ADAM32: variants seen among roughly 807,000 people sequenced by gnomAD.
The protein encoded by ADAM32 is disintegrin and metalloproteinase domain-containing protein 32.
In ADAM32, 89 loss-of-function variants were observed where a neutral mutation model predicts 114.9. The observed-to-expected ratio is 0.77, with a 90% confidence interval of 0.65 to 0.92. ADAM32 has a LOEUF of 0.92. ADAM32 is among the 40% of genes least tolerant of loss of function. The pLI, the probability that ADAM32 is intolerant of heterozygous loss-of-function variation, is 0.00. For synonymous variants in ADAM32, 285 were observed against 307.5 expected, an observed-to-expected ratio of 0.93 and a Z score of 0.77; for missense variants, 870 against 932.8, an observed-to-expected ratio of 0.93 and a Z score of 0.88.
intron 11 of ADAM32, among the ~76,000 whole-genome samples, chr8:39,204,789 C>T (rs556717877): frequency 1.3e-5 from 2 of 152,154 alleles, no homozygotes; most frequent in Non-Finnish European, 2.9e-5. Flanking sequence ...ATAATGGTGA[C>T]GTACAGATGG....
chr8:39,131,954 C>T, intron 2 of ADAM32: 1 of 281,158 alleles, frequency 3.6e-6, no homozygotes, highest in South Asian at 2.8e-5. Flanking sequence ...AGTGTAGTGG[C>T]ACGATCTCGG....
intron 11 of ADAM32, among the ~76,000 whole-genome samples, chr8:39,205,262 C>G (rs1290869650): frequency 6.6e-6 from 1 of 152,198 alleles, no homozygotes; most frequent in Admixed American, 6.5e-5. Flanking sequence ...CCTTGAGCTG[C>G]GGTGGGCTCC....
intron 19 of ADAM32, among the ~76,000 whole-genome samples, chr8:39,262,923 G>A (rs1486966417): frequency 6.6e-6 from 1 of 151,954 alleles, no homozygotes; most frequent in African/African-American, 2.4e-5. Context: ...GGCCAGGCTG[G>A]TCTCAAACTC....
chr8:39,107,941 C>T lies in ADAM32; in HGVS notation c.58+108C>T, dbSNP rs193225824. The T allele has an allele frequency of 4.3e-3, 5,927 of 1,370,770 alleles. 16 individuals carry two copies. Among genetic ancestry groups the T allele is most frequent in the African/African-American group, 7.6e-3 (509 of 67,030 alleles). The allele number at this position is 1,370,770 out of a possible 1,614,324, so 84.9% of individuals were successfully genotyped here. ...GTCTGGGTCCCTTTGGTCCTGTCAC[C>T]CTGGCAACGGGGCCTTTTCCAGGGG... On this transcript the variant is annotated intron_variant, in intron 1 of 24. Coordinates refer to ENST00000379907, the MANE Select transcript of ADAM32 (RefSeq NM_145004.7).
chr8:39,279,529 G>A (rs1029457319), intron 22 of ADAM32, among the ~76,000 whole-genome samples: 12 of 152,214 alleles, frequency 7.9e-5, no homozygotes, highest in South Asian at 2.1e-4. Context: ...TGATCCACTC[G>A]CCTCGGCCTC....
chr8:39,179,901 G>A (rs1429005658), intron 10 of ADAM32, among the ~76,000 whole-genome samples: 3 of 152,176 alleles, frequency 2.0e-5, no homozygotes, highest in African/African-American at 7.2e-5. Context: ...GGTCCTACCC[G>A]CTTCAATGAA....
chr8:39,125,836 G>C (rs985672731), intron 2 of ADAM32, among the ~76,000 whole-genome samples: 4 of 152,112 alleles, frequency 2.6e-5, no homozygotes, highest in Admixed American at 2.0e-4. Context: ...ATTACTTTTT[G>C]TATAGGGTAT....
In ADAM32 at chr8:39,233,961, A is replaced by G. The variant is rs768609584; in HGVS notation, c.1697A>G (p.Asn566Ser). 5 of 1,592,968 alleles carry G rather than the reference A, an allele frequency of 3.1e-6. No homozygotes were observed. In the South Asian group the frequency reaches 5.8e-5, roughly 18 times the overall value. The change falls in exon 16 of 25, where the codon AAT becomes AGT. Residue 566 changes from asparagine to serine, a missense_variant. Transcript: ENST00000379907. The part of the protein sequence containing the change: ...YPTRKPFHQE[N>S]GDVIYAFVRD... ...ACTCGAAAGCCTTTCCATCAAGAAA[A>G]TGGTGATGTGATTTATGCTTTCGTA...
chr8:39,241,817 A>T (rs1810576282), intron 16 of ADAM32, among the ~76,000 whole-genome samples: 1 of 152,228 alleles, frequency 6.6e-6, no homozygotes, highest in Non-Finnish European at 1.5e-5. Flanking sequence ...TGTCTTGGTG[A>T]TTAACATTTG....
intron 11 of ADAM32, among the ~76,000 whole-genome samples, chr8:39,199,503 T>A (rs1233228750): frequency 2.0e-5 from 3 of 152,234 alleles, no homozygotes; most frequent in Non-Finnish European, 4.4e-5. Context: ...TTTGTATTTT[T>A]AATTTTATTT....
chr8:39,281,250 T>C (rs997059490), intron 23 of ADAM32, 76 bp downstream of exon 23: 1 of 889,080 alleles, frequency 1.1e-6, no homozygotes, highest in Non-Finnish European at 1.6e-6. Context: ...AATTCACAAA[T>C]AATTGCTCAA....
intron 7 of ADAM32, 48 bp from the exon 8 acceptor site, chr8:39,164,716 A>G (rs1804718058): frequency 7.2e-7 from 1 of 1,388,406 alleles, no homozygotes; most frequent in Admixed American, 2.0e-5. Flanking sequence ...TCTTAAAAAT[A>G]CTACATAATA....
intron 18 of ADAM32, among the ~76,000 whole-genome samples, chr8:39,255,193 G>A (rs938313870): frequency 3.9e-5 from 6 of 151,914 alleles, no homozygotes; most frequent in South Asian, 2.1e-4. Flanking sequence ...TTGTGTTAGC[G>A]TCTTTTTATG....
At position 39,174,580 on chromosome 8, in the gene ADAM32, A is replaced by T. The variant is rs1003044827; in HGVS notation, c.915+4583A>T. Among the ~76,000 whole-genome samples, 8 of 151,920 alleles carry T rather than the reference A, an allele frequency of 5.3e-5. No individual in the cohort carries two copies. The East Asian group carries it at 1.3e-3, about 26-fold the overall frequency. On this transcript the variant is annotated intron_variant, in intron 10 of 24. Transcript: ENST00000379907. ...ATGTGCAGGTTAGTTACATATGTAT[A>T]CATGTGCCTTGCTGGTGCGCTGCAC...
intron 22 of ADAM32, among the ~76,000 whole-genome samples, chr8:39,277,688 C>T (rs764168311): frequency 3.3e-5 from 5 of 152,228 alleles, no homozygotes; most frequent in Non-Finnish European, 5.9e-5. Context: ...GGACCCACTG[C>T]GCTCCACCAC....
chr8:39,257,787 T>G (rs542714501), intron 19 of ADAM32, among the ~76,000 whole-genome samples: 1 of 152,262 alleles, frequency 6.6e-6, no homozygotes, highest in African/African-American at 2.4e-5. Context: ...TAATTTAGAT[T>G]ATTACATTTT....
Position 39,233,909 on chromosome 8 carries a change from T to C in ADAM32, c.1645T>C (p.Cys549Arg), listed in dbSNP as rs1354365463. 2 of 1,528,232 alleles carry C rather than the reference T, an allele frequency of 1.3e-6. No individual in the cohort carries two copies. The highest frequency in any genetic ancestry group is 2.0e-5 in the Admixed American group (1 of 48,994). 94.7% of individuals were successfully genotyped at this position (1,528,232 alleles called of 1,614,324 possible). The stretch of plus-strand genomic sequence containing the variant: ...TTTTTATGTTTTCAGGAATCTTATA[T>C]GTGGAAGATTAGTTTGTACCTACCC... ...YVFCGWRNLI[C>R]GRLVCTYPTR... The change falls in exon 16 of 25, where the codon TGT (cysteine) becomes CGT (arginine). Residue 549 changes from cysteine to arginine, a missense_variant. By Grantham distance (180) the Cys-to-Arg change is radical. Transcript: ENST00000379907.
chr8:39,258,823 G>C (rs998103184), intron 19 of ADAM32, among the ~76,000 whole-genome samples: 4 of 151,926 alleles, frequency 2.6e-5, no homozygotes, highest in Admixed American at 2.6e-4. Context: ...TGAAATTTTC[G>C]CTTCAGATAT....
intron 16 of ADAM32, 53 bp downstream of exon 16, chr8:39,234,135 CT>C: frequency 8.5e-7 from 1 of 1,179,518 alleles, no homozygotes; most frequent in Non-Finnish European, 1.1e-6. Flanking sequence ...TTGTTTTCAT[CT>C]TTTTATTTAA....
Sources: gnomAD v4.1 joint callset for allele counts (sites outside exome capture counted in the v4.1 genomes callset) on GRCh38, gnomAD v4.1.1 for gene constraint, MANE v1.5 for transcripts, NCBI Gene and HGNC (gene_info 2026-07-23, HGNC 2026-07-21) for gene names.